Variants in FBN2 observed in about 807,000 individuals in gnomAD.
FBN2 encodes fibrillin-2.
A neutral mutation model predicts 355.6 loss-of-function variants in FBN2; 105 were observed. That is an observed-to-expected ratio of 0.30 (90% confidence interval 0.25 to 0.35). The LOEUF is 0.35. Among genes scored for constraint, FBN2 ranks in the 10% least tolerant of loss-of-function variants. FBN2 has a pLI of 1.00. For synonymous variants in FBN2, 1,350 were observed against 1,301.2 expected (o/e 1.04, Z -0.81); for missense variants, 3,280 against 3,758.7 (o/e 0.87, Z 3.33).
At position 128,344,683 on chromosome 5, in the gene FBN2, GA is replaced by G. The variant is rs1193118483; in HGVS notation, c.3218-174del. Among the ~76,000 whole-genome samples the G allele has an allele frequency of 7.3e-5, 11 of 151,018 alleles. No individual in the cohort carries two copies. The East Asian group carries it at 2.1e-3, about 29-fold the overall frequency. ...ATCACACAGGAAGTTTCAATATGGT[GA>G]AAAAGATCTTATATTCTTTTTTTTT... On this transcript the variant is annotated intron_variant, in intron 24 of 64. Transcript: ENST00000262464.
rs761101565 is a variant in FBN2 at position 128,519,352 on chromosome 5, T to C, written c.549A>G (p.Gly183=). Residue 183 remains glycine (G), a synonymous_variant, in exon 5 of 65, where the codon GGA becomes GGG. Transcript: ENST00000262464. ...CGATGCAACGTCCACCATTCTGACA[T>C]CCATTTTCACAGACAGCTGCATACA... ...TYCGQPVCEN[G]CQNGGRCIGP... is the part of the protein sequence containing the mutation. 2 of 1,613,856 alleles carry C rather than the reference T, an allele frequency of 1.2e-6. No homozygotes were observed. The highest frequency in any genetic ancestry group is 1.1e-5 in the South Asian group (1 of 91,076).
chr5:128,300,760 T>C, intron 48 of FBN2, 57 bp downstream of exon 48: 3 of 1,584,438 alleles, frequency 1.9e-6, no homozygotes, highest in Non-Finnish European at 2.6e-6. Context: ...CCAGAGTCTT[T>C]ACCATGTCTT....
rs1222584747 is a variant in FBN2, at chr5:128,330,575, G to A, written c.4343C>T (p.Ser1448Leu). ...CACACCTCAGGACTGTCACCCACCT[G>A]AGCAGGTAAAGCCATCACCAGTGAA... ...EGFTGDGFTCSDVDECAENIN... is the reference protein window; with the variant it reads ...EGFTGDGFTCLDVDECAENIN... The change falls in exon 33 of 65, where the codon TCA becomes TTA. Residue 1448 changes from serine to leucine, a missense_variant and splice_region_variant. By Grantham distance (145) the Ser-to-Leu change is moderately radical (BLOSUM62 -2). Coordinates refer to ENST00000262464, the MANE Select transcript of FBN2 (RefSeq NM_001999.4). The A allele has an allele frequency of 8.7e-6, 14 of 1,614,086 alleles. No homozygotes were observed. Among genetic ancestry groups the A allele is most frequent in the East Asian group, 4.5e-5 (2 of 44,878 alleles).
Position 128,395,231 on chromosome 5 carries a change from G to C in FBN2, c.1122C>G (p.Arg374=). 6.2e-7 allele frequency: 1 copy of C among 1,614,124 alleles called. No homozygotes were observed. Among genetic ancestry groups the C allele is most frequent in the Non-Finnish European group, 8.5e-7 (1 of 1,180,008 alleles). ...TTCTCCCCGGGAGCTCTTGTGCACAGCGGCCATTCACCAGGCCCGAGAAAC... is the reference window on the plus strand; with the variant it reads ...TTCTCCCCGGGAGCTCTTGTGCACACCGGCCATTCACCAGGCCCGAGAAAC... ...GMCFSGLVNG[R]CAQELPGRMT... is the part of the protein sequence containing the mutation. Residue 374 remains arginine (R), a synonymous_variant, in exon 9 of 65, where the codon CGC becomes CGG. Coordinates refer to ENST00000262464, the MANE Select transcript of FBN2 (RefSeq NM_001999.4).
chr5:128,530,405 A>T (rs1221751781), intron 3 of FBN2, among the ~76,000 whole-genome samples, 190 bp downstream of exon 3: 2 of 152,234 alleles, frequency 1.3e-5, no homozygotes, highest in African/African-American at 4.8e-5. Flanking sequence ...TCCTTGGGCC[A>T]GTTAATTAAA....
intron 11 of FBN2, among the ~76,000 whole-genome samples, chr5:128,389,348 A>G (rs559640953): frequency 2.5e-4 from 38 of 152,320 alleles, no homozygotes; most frequent in Middle Eastern, 3.4e-3. Context: ...CATCTGCTGA[A>G]GTTCTCCAAT....
At chr5:128,322,646 C>G (rs1250865451) in intron 34 of FBN2, among the ~76,000 whole-genome samples, 1 of 152,024 alleles carries the variant, frequency 6.6e-6, no homozygotes, top group Non-Finnish European at 1.5e-5. Context: ...TGGTCTGTAT[C>G]TCTGTTTTGG....
chr5:128,368,976 T>C (rs1334206473), intron 16 of FBN2, among the ~76,000 whole-genome samples: 19 of 152,118 alleles, frequency 1.2e-4, no homozygotes, highest in Admixed American at 1.2e-3. Context: ...TTTTATTCAC[T>C]GTGTGTTCTG....
rs1561751895 is a variant in FBN2 at position 128,291,671 on chromosome 5, G to A, written c.6167-17C>T. Reference sequence around the variant, plus strand: ...CATTTATATCTGCAGAACAGGGGGAGTATTTATTAGCCATTCAACACTTGA... The same window carrying A: ...CATTTATATCTGCAGAACAGGGGGAATATTTATTAGCCATTCAACACTTGA... On this transcript the variant is annotated splice_polypyrimidine_tract_variant and intron_variant, in intron 48 of 64. Coordinates refer to ENST00000262464, the MANE Select transcript of FBN2 (RefSeq NM_001999.4). The A allele has an allele frequency of 6.2e-7, 1 of 1,611,226 alleles. No homozygotes were observed. The highest frequency in any genetic ancestry group is 1.1e-5 in the South Asian group (1 of 90,910).
chr5:128,330,676 A>G lies in FBN2; in HGVS notation c.4242T>C (p.Asn1414=), dbSNP rs936737505. 6.2e-7 allele frequency: 1 copy of G among 1,614,084 alleles called. No individual in the cohort carries two copies. Among genetic ancestry groups the G allele is most frequent in the Non-Finnish European group, 8.5e-7 (1 of 1,179,934 alleles). Residue 1414 remains asparagine, a synonymous_variant, in exon 33 of 65, where the codon AAT becomes AAC. Transcript: ENST00000262464. Reference sequence around the variant, plus strand: ...CATTGATGCTACACTGGTGGGTTCCATTAGAACATTCGTCCAGATCTGCAG... The same window carrying G: ...CATTGATGCTACACTGGTGGGTTCCGTTAGAACATTCGTCCAGATCTGCAG... The part of the protein sequence containing the change: ...IKCIDLDECS[N]GTHQCSINAQ...
At chr5:128,397,202 C>G (rs1752673568) in intron 8 of FBN2, among the ~76,000 whole-genome samples, 1 of 152,164 alleles carries the variant, frequency 6.6e-6, no homozygotes, top group African/African-American at 2.4e-5. Flanking sequence ...AATTTCACAA[C>G]TAAGTTTCTA....
chr5:128,345,327 A>C, intron 24 of FBN2, 30 bp downstream of exon 24: 8 of 1,559,626 alleles, frequency 5.1e-6, no homozygotes, highest in Non-Finnish European at 7.1e-6. Flanking sequence ...TTGGTGAAGA[A>C]GGACCAAGGC....
At chr5:128,456,400 T>G (rs1215144224) in intron 6 of FBN2, among the ~76,000 whole-genome samples, 3 of 152,052 alleles carry the variant, frequency 2.0e-5, no homozygotes, top group Non-Finnish European at 4.4e-5. Flanking sequence ...CCCGGCCGAG[T>G]GGGTTTCCCC....
rs75495030 is a variant in FBN2, at chr5:128,350,783, T to G, written c.2812+85A>C. The G allele has an allele frequency of 0.01, 15,141 of 1,491,578 alleles. 976 individuals carry two copies. In the African/African-American group the frequency reaches 0.16, roughly 15 times the overall value. 92.4% of individuals were successfully genotyped at this position (1,491,578 alleles called of 1,614,324 possible). A position where few individuals can be genotyped will look rare whatever the true frequency, so the allele number is the denominator to read the frequency against. On this transcript the variant is annotated intron_variant, in intron 21 of 64. Coordinates refer to ENST00000262464, the MANE Select transcript of FBN2 (RefSeq NM_001999.4). Reference sequence around the variant, plus strand: ...GTAAATGATCTCTGACCTTCTTCACTAAGGAACTGCGTAGTGAAAGAGGTG... The same window carrying G: ...GTAAATGATCTCTGACCTTCTTCACGAAGGAACTGCGTAGTGAAAGAGGTG...
At chr5:128,410,871 G>C (rs535745634) in intron 7 of FBN2, among the ~76,000 whole-genome samples, 1 of 152,180 alleles carries the variant, frequency 6.6e-6, no homozygotes, top group East Asian at 1.9e-4. Context: ...AAGGCTCTCA[G>C]GTTTTGTATA....
intron 7 of FBN2, among the ~76,000 whole-genome samples, chr5:128,435,837 CAAA>C (rs1753755993): frequency 6.6e-6 from 1 of 152,126 alleles, no homozygotes; most frequent in South Asian, 2.1e-4. Context: ...CTTCACATGC[CAAA>C]GATTACCTTT....
intron 8 of FBN2, among the ~76,000 whole-genome samples, chr5:128,401,884 G>A (rs1209797859): frequency 3.9e-5 from 6 of 152,120 alleles, no homozygotes; most frequent in Non-Finnish European, 8.8e-5. Flanking sequence ...TAGGTGAGAG[G>A]GTAGAGAGGC....
intron 7 of FBN2, among the ~76,000 whole-genome samples, chr5:128,421,369 T>G (rs966590943): frequency 1.3e-4 from 20 of 152,082 alleles, no homozygotes; most frequent in African/African-American, 4.6e-4. Context: ...AAGGTGGGAC[T>G]GGGAGAGAAA....
chr5:128,381,108 G>A (rs1371523658), intron 11 of FBN2, among the ~76,000 whole-genome samples: 1 of 151,988 alleles, frequency 6.6e-6, no homozygotes, highest in Non-Finnish European at 1.5e-5. Context: ...ATTACCTGTA[G>A]CCCAATAGAA....
Sources: gnomAD v4.1 joint callset for allele counts (sites outside exome capture counted in the v4.1 genomes callset) on GRCh38, gnomAD v4.1.1 for gene constraint, MANE v1.5 for transcripts, NCBI Gene and HGNC (gene_info 2026-07-23, HGNC 2026-07-21) for gene names.